Variants in STK11IP observed in about 807,000 individuals in gnomAD.
The protein encoded by STK11IP is serine/threonine kinase 11 interacting protein, also known as serine/threonine-protein kinase 11-interacting protein.
STK11IP carries 103 observed loss-of-function variants against 131.7 expected under a neutral mutation model. The ratio of observed to expected loss-of-function variants is 0.78; its 90% CI spans 0.67 to 0.92. The LOEUF (loss-of-function observed/expected upper bound fraction) is 0.92. STK11IP is among the 40% of genes least tolerant of loss of function. The pLI is 0.00. For missense variants in STK11IP, 1,315 were observed against 1,385.7 expected (o/e 0.95, Z 0.81); for synonymous variants, 557 against 575.6 (o/e 0.97, Z 0.46).
chr2:219,601,754 A>G, intron 4 of STK11IP, 39 bp downstream of exon 4: 3 of 1,568,068 alleles, frequency 1.9e-6, no homozygotes. Context: ...ACAGCACCCA[A>G]CTTGAGGCAG....
intron 23 of STK11IP, 65 bp from the exon 24 acceptor site, chr2:219,615,029 G>A (rs765350565): frequency 4.5e-6 from 7 of 1,545,980 alleles, no homozygotes; most frequent in Non-Finnish European, 6.1e-6. Context: ...GCAGCACTGG[G>A]ACGCTGGCCC....
rs1030398253 is a variant in STK11IP at position 219,608,245 on chromosome 2, A to G, written c.1418A>G (p.Gln473Arg). 1.9e-6 allele frequency: 3 copies of G among 1,613,612 alleles called. No homozygotes were observed. The highest frequency in any genetic ancestry group is 1.7e-6 in the Non-Finnish European group (2 of 1,179,860). Reference protein sequence around the residue: ...PDTAPRPSPPQEEARGPQESP... With the variant: ...PDTAPRPSPPREEARGPQESP... ...ACTGCACCCAGACCTTCACCCCCGCAGGAGGAAGCCAGAGGCCCCCAGGAG... is the reference window on the plus strand; with the variant it reads ...ACTGCACCCAGACCTTCACCCCCGCGGGAGGAAGCCAGAGGCCCCCAGGAG... Residue 473 changes from glutamine to arginine, a missense_variant, in exon 14 of 25, where the codon CAG (glutamine) becomes CGG (arginine). Physicochemically the swap from Gln to Arg is conservative, Grantham distance 43 (BLOSUM62 1). Transcript: ENST00000456909.
Position 219,609,140 on chromosome 2 carries a change from TCTC to T in STK11IP, c.1856_1858del (p.Ser619del), listed in dbSNP as rs772766881. The T allele has an allele frequency of 6.2e-6, 10 of 1,609,952 alleles. No homozygotes were observed. In the African/African-American group the frequency reaches 8.0e-5, roughly 13 times the overall value. ...GGAGCCCCCATCCTCAGTCTGCGCT[TCTC>T]CTACATCTGCCCTGACCGGCAGTTG... On this transcript the variant is annotated inframe_deletion, in exon 16 of 25. Coordinates refer to ENST00000456909, the MANE Select transcript of STK11IP (RefSeq NM_052902.4).
chr2:219,609,253 A>C (rs772431858), intron 16 of STK11IP, 40 bp downstream of exon 16: 5 of 1,575,436 alleles, frequency 3.2e-6, no homozygotes, highest in Non-Finnish European at 4.3e-6. Context: ...GGCTGTGGGG[A>C]TTAAGAGAGC....
Position 219,608,180 on chromosome 2 carries a change from T to A in STK11IP, c.1353T>A (p.Ser451=), listed in dbSNP as rs769170407. 25 of 1,613,630 alleles carry A rather than the reference T, an allele frequency of 1.5e-5. 1 individual carries two copies. In the South Asian group the frequency reaches 2.7e-4, roughly 18 times the overall value. Residue 451 remains serine, a synonymous_variant, in exon 14 of 25, where the codon TCT becomes TCA. Transcript: ENST00000456909. The part of the protein sequence containing the change: ...GNPLPATPTT[S]APSAPPASSQ... ...CTCTGCCGGCCACCCCCACTACTTC[T>A]GCACCCAGTGCACCTCCAGCCAGCT...
At chr2:219,613,656 T>G (rs1698479569) in intron 20 of STK11IP, 96 bp from the exon 21 acceptor site, 4 of 1,422,552 alleles carry the variant, frequency 2.8e-6, no homozygotes, top group Non-Finnish European at 4.0e-6. Flanking sequence ...ACGGGGGTGA[T>G]GCAGTGAGTG....
Position 219,601,305 on chromosome 2 carries a change from A to G in STK11IP, c.132A>G (p.Val44=), listed in dbSNP as rs1373386814. The part of the protein sequence containing the change: ...LTPTLQQLNH[V]FELHLGPWGP... ...CCACACTGCAACAGCTGAACCACGTATTTGAGCTGCACCTGGGGCCATGGG... is the reference window on the plus strand; with the variant it reads ...CCACACTGCAACAGCTGAACCACGTGTTTGAGCTGCACCTGGGGCCATGGG... Residue 44 remains valine (V), a synonymous_variant, in exon 3 of 25, where the codon GTA becomes GTG. Transcript: ENST00000456909. The G allele has an allele frequency of 3.1e-6, 5 of 1,613,942 alleles. No individual in the cohort carries two copies. Among genetic ancestry groups the G allele is most frequent in the African/African-American group, 1.3e-5 (1 of 74,948 alleles).
At chr2:219,613,046 G>A in intron 19 of STK11IP, 82 bp from the exon 20 acceptor site, 2 of 1,137,750 alleles carry the variant, frequency 1.8e-6, no homozygotes, top group East Asian at 2.5e-5. Context: ...CGAGGGTGCT[G>A]TCACCAGGAA....
At position 219,601,295 on chromosome 2, in the gene STK11IP, T is replaced by C. The variant is rs763807247; in HGVS notation, c.122T>C (p.Leu41Pro). 6.2e-7 allele frequency: 1 copy of C among 1,614,092 alleles called. No individual in the cohort carries two copies. The highest frequency in any genetic ancestry group is 2.2e-5 in the East Asian group (1 of 44,896). ...CTGCTGACTCCCACACTGCAACAGC[T>C]GAACCACGTATTTGAGCTGCACCTG... ...LSLLTPTLQQ[L>P]NHVFELHLGP... The change falls in exon 3 of 25, where the codon CTG (leucine) becomes CCG (proline). Residue 41 changes from leucine to proline, a missense_variant. Physicochemically the swap from Leu to Pro is moderately conservative, Grantham distance 98. Coordinates refer to ENST00000456909, the MANE Select transcript of STK11IP (RefSeq NM_052902.4).
At chr2:219,603,607 A>G (rs928837312) in intron 7 of STK11IP, among the ~76,000 whole-genome samples, 1 of 151,080 alleles carries the variant, frequency 6.6e-6, no homozygotes, top group Non-Finnish European at 1.5e-5. Flanking sequence ...TGCAAACTCA[A>G]CCTCCTGGGT....
At position 219,608,133 on chromosome 2, in the gene STK11IP, C is replaced by CA. The variant is rs754000850; in HGVS notation, c.1307dup (p.His436GlnfsTer115). 1 of 1,613,448 alleles carries CA rather than the reference C, an allele frequency of 6.2e-7. No homozygotes were observed. The highest frequency in any genetic ancestry group is 1.7e-5 in the Admixed American group (1 of 60,024). ...CCGCAACTGGCTGCAGTACAGGAGT[C>CA]ACCTGGAGCCCTCCGGAAACCCTCT... On this transcript the variant is annotated frameshift_variant, in exon 14 of 25. Coordinates refer to ENST00000456909, the MANE Select transcript of STK11IP (RefSeq NM_052902.4). LOFTEE classifies it high-confidence loss of function.
At position 219,606,535 on chromosome 2, in the gene STK11IP, G is replaced by T. The variant is rs749743856; in HGVS notation, c.987+18G>T. 4.3e-6 allele frequency: 7 copies of T among 1,612,684 alleles called. No homozygotes were observed. In the Admixed American group the frequency reaches 1.0e-4, roughly 23 times the overall value. On this transcript the variant is annotated intron_variant, in intron 11 of 24. Coordinates refer to ENST00000456909, the MANE Select transcript of STK11IP (RefSeq NM_052902.4). ...ATTTTCAGGTCGGTGTGGTTGGGGG[G>T]CGAGGACTGTTGGGGGAAGACACGA...
intron 7 of STK11IP, 49 bp downstream of exon 7, chr2:219,602,825 T>C: frequency 1.3e-6 from 2 of 1,547,794 alleles, no homozygotes; most frequent in South Asian, 2.3e-5. Context: ...CTTTGATTGC[T>C]CTGCTCTCAC....
Position 219,608,804 on chromosome 2 carries a change from C to T in STK11IP, c.1809+16C>T, listed in dbSNP as rs1340617457. The T allele has an allele frequency of 6.3e-7, 1 of 1,579,756 alleles. No homozygotes were observed. Among genetic ancestry groups the T allele is most frequent in the African/African-American group, 1.3e-5 (1 of 74,134 alleles). ...CAGGCCCACGGTGAGTGGGGCGTGG[C>T]AGGGTCTCTGGAGGAGCCAGTTATG... On this transcript the variant is annotated intron_variant, in intron 15 of 24. Transcript: ENST00000456909.
At position 219,601,218 on chromosome 2, in the gene STK11IP, T is replaced by C. The variant is rs541507922; in HGVS notation, c.62-17T>C. ...TTTTCACTGTGTCTTCCCTCCTGTT[T>C]GCCCCTTTTTCTGCAGGGGATGTGG... On this transcript the variant is annotated splice_polypyrimidine_tract_variant and intron_variant, in intron 2 of 24. Coordinates refer to ENST00000456909, the MANE Select transcript of STK11IP (RefSeq NM_052902.4). The C allele has an allele frequency of 6.2e-7, 1 of 1,601,558 alleles. No homozygotes were observed. The highest frequency in any genetic ancestry group is 1.7e-5 in the Admixed American group (1 of 59,090).
At position 219,613,739 on chromosome 2, in the gene STK11IP, C is replaced by T. The variant is rs1464975895; in HGVS notation, c.2538-13C>T. On this transcript the variant is annotated splice_polypyrimidine_tract_variant and intron_variant, in intron 20 of 24. Coordinates refer to ENST00000456909, the MANE Select transcript of STK11IP (RefSeq NM_052902.4). ...CTCATGCTTCTCCATTGCTCTGTCCCCTCTCTCCACAGTGAGCCTCCAGCT... is the reference window on the plus strand; with the variant it reads ...CTCATGCTTCTCCATTGCTCTGTCCTCTCTCTCCACAGTGAGCCTCCAGCT... The T allele has an allele frequency of 1.2e-6, 2 of 1,612,246 alleles. No homozygotes were observed. Among genetic ancestry groups the T allele is most frequent in the East Asian group, 2.2e-5 (1 of 44,876 alleles).
chr2:219,606,613 G>C, intron 11 of STK11IP, 96 bp downstream of exon 11: 61 of 1,603,314 alleles, frequency 3.8e-5, no homozygotes, highest in Non-Finnish European at 5.0e-5. Flanking sequence ...GGGTCTTCCT[G>C]GTCAGTGGAA....
chr2:219,598,129 G>A lies in STK11IP; in HGVS notation c.10G>A (p.Ala4Thr), dbSNP rs752503519. The A allele has an allele frequency of 1.2e-5, 19 of 1,590,622 alleles. No individual in the cohort carries two copies. In the African/African-American group the frequency reaches 1.8e-4, roughly 15 times the overall value. Residue 4 changes from alanine (A) to threonine (T), a missense_variant, in exon 2 of 25, where the codon GCT (alanine) becomes ACT (threonine). Transcript: ENST00000456909. ...CCAGCGTCCCGTGGCCATGACGACC[G>A]CTCAGAGGGACTCCCTGTTGTGGAA... is the stretch of plus-strand genomic sequence containing the variant. Reference protein sequence around the residue: MTTAQRDSLLWKLA... With the variant: MTTTQRDSLLWKLA...
chr2:219,611,879 AG>A, intron 18 of STK11IP, 45 bp downstream of exon 18: 1 of 1,581,800 alleles, frequency 6.3e-7, no homozygotes, highest in Non-Finnish European at 8.6e-7. Context: ...GGGGAAGGGA[AG>A]GGGCACTGAT....
Sources: allele counts gnomAD v4.1 joint callset (sites outside exome capture counted in the v4.1 genomes callset), GRCh38; gene constraint gnomAD v4.1.1; transcripts MANE v1.5; gene names NCBI Gene and HGNC (gene_info 2026-07-23, HGNC 2026-07-21).